TECRL: variants seen among roughly 807,000 people sequenced by gnomAD.
The protein encoded by TECRL is trans-2,3-enoyl-CoA reductase-like.
In TECRL, 63 loss-of-function variants were observed where a neutral mutation model predicts 52.8. The ratio of observed to expected loss-of-function variants is 1.19; its 90% CI spans 0.97 to 1.47. The LOEUF (loss-of-function observed/expected upper bound fraction) is 1.47. Among genes scored for constraint, TECRL ranks in the 40% most tolerant of loss-of-function variants. TECRL has a pLI of 0.00. For missense variants in TECRL, 482 were observed against 429.6 expected, an observed-to-expected ratio of 1.12 and a Z score of -1.08; for synonymous variants, 164 against 141.9, an observed-to-expected ratio of 1.16 and a Z score of -1.10.
intron 4 of TECRL, among the ~76,000 whole-genome samples, chr4:64,319,324 A>T (rs1434530001): frequency 2.1e-5 from 3 of 140,388 alleles, no homozygotes; most frequent in Non-Finnish European, 4.6e-5. Context: ...GTATCATTAC[A>T]GTGTAAAACA....
At chr4:64,315,866 T>C (rs1560493410) in intron 4 of TECRL, among the ~76,000 whole-genome samples, 2 of 152,152 alleles carry the variant, frequency 1.3e-5, no homozygotes, top group East Asian at 3.9e-4. Flanking sequence ...CTTTTAGAAA[T>C]ATATATATAT....
At position 64,328,549 on chromosome 4, in the gene TECRL, C is replaced by T. The variant is rs1490169489; in HGVS notation, c.294G>A (p.Lys98=). The change falls in exon 3 of 12, where the codon AAG becomes AAA. Residue 98 remains lysine (K), a synonymous_variant. Transcript: ENST00000381210. ...VKQKFHKACP[K]WYPSRVGLQL... ...GCAGACCAACTCGAGAAGGGTACCA[C>T]TTTGGACCTATTCAATGAAAAATAA... 1.4e-5 allele frequency: 23 copies of T among 1,610,690 alleles called. No individual in the cohort carries two copies. Among genetic ancestry groups the T allele is most frequent in the Non-Finnish European group, 1.9e-5 (22 of 1,177,876 alleles).
intron 6 of TECRL, among the ~76,000 whole-genome samples, chr4:64,309,435 T>C (rs573456295): frequency 3.9e-5 from 6 of 152,278 alleles, no homozygotes; most frequent in Admixed American, 2.6e-4. Context: ...TAGCATCATA[T>C]TGACAACTGC....
chr4:64,375,079 A>C, intron 2 of TECRL, 93 bp downstream of exon 2: 10 of 504,306 alleles, frequency 2.0e-5, no homozygotes, highest in East Asian at 3.8e-5. Flanking sequence ...TGGTTTTCAT[A>C]CACTCTAACA....
At position 64,328,582 on chromosome 4, in the gene TECRL, T is replaced by C. The variant is rs1452941961; in HGVS notation, c.287-26A>G. ...CTATTCAATGAAAAATAACATTTAA[T>C]TGTCAGAAAAAGTGTAACTATAGCT... On this transcript the variant is annotated intron_variant, in intron 2 of 11. Coordinates refer to ENST00000381210, the MANE Select transcript of TECRL (RefSeq NM_001010874.5). 4 of 1,602,510 alleles carry C rather than the reference T, an allele frequency of 2.5e-6. No homozygotes were observed. In the African/African-American group the frequency reaches 5.4e-5, roughly 22 times the overall value.
chr4:64,396,501 G>T (rs1447564147), intron 1 of TECRL, among the ~76,000 whole-genome samples: 5 of 151,812 alleles, frequency 3.3e-5, no homozygotes, highest in Admixed American at 2.6e-4. Flanking sequence ...AAATGTGGTT[G>T]TTTGTTTTTT....
rs148528527 is a variant in TECRL at position 64,300,958 on chromosome 4, G to A, written c.731-941C>T. Among the ~76,000 whole-genome samples the A allele has an allele frequency of 1.5e-3, 228 of 150,748 alleles. 1 individual carries two copies. Among genetic ancestry groups the A allele is most frequent in the African/African-American group, 5.1e-3 (213 of 41,384 alleles). On this transcript the variant is annotated intron_variant, in intron 7 of 11. Transcript: ENST00000381210. ...ATAATACTGCTTTGAACATCTTTAC[G>A]TATAAATCTTTTACTAAATTTTGTT...
At chr4:64,387,150 A>G (rs1723235222) in intron 1 of TECRL, among the ~76,000 whole-genome samples, 1 of 152,156 alleles carries the variant, frequency 6.6e-6, no homozygotes, top group African/African-American at 2.4e-5. Flanking sequence ...AGAAAGTCAT[A>G]TGGTTGAAAT....
chr4:64,353,242 C>T (rs556685975), intron 2 of TECRL, among the ~76,000 whole-genome samples: 13 of 152,124 alleles, frequency 8.5e-5, no homozygotes, highest in Middle Eastern at 3.4e-3. Context: ...AAGTAAAAAT[C>T]GAAAAATTCA....
chr4:64,387,496 C>A (rs549892338), intron 1 of TECRL, among the ~76,000 whole-genome samples: 1 of 152,096 alleles, frequency 6.6e-6, no homozygotes, highest in East Asian at 1.9e-4. Flanking sequence ...AATTGCCTTC[C>A]AAATGGCTTT....
At chr4:64,347,831 A>G (rs1275634758) in intron 2 of TECRL, among the ~76,000 whole-genome samples, 1 of 152,142 alleles carries the variant, frequency 6.6e-6, no homozygotes, top group African/African-American at 2.4e-5. Flanking sequence ...GCCAAACCAT[A>G]TCATTTACCC....
chr4:64,366,976 A>G (rs1721641697), intron 2 of TECRL, among the ~76,000 whole-genome samples: 2 of 152,146 alleles, frequency 1.3e-5, no homozygotes, highest in African/African-American at 2.4e-5. Context: ...AAGTTATGAA[A>G]TCAACCTAGA....
chr4:64,323,953 T>C (rs1214504656), intron 3 of TECRL, among the ~76,000 whole-genome samples: 1 of 152,134 alleles, frequency 6.6e-6, no homozygotes. Flanking sequence ...GGTAGAAGTG[T>C]GTGTAGATAT....
intron 8 of TECRL, among the ~76,000 whole-genome samples, chr4:64,293,931 ATTG>A (rs1723531869): frequency 1.3e-5 from 2 of 150,548 alleles, no homozygotes; most frequent in Admixed American, 1.3e-4. Flanking sequence ...ATGCATTGAT[ATTG>A]TTAATATCAT....
intron 2 of TECRL, among the ~76,000 whole-genome samples, chr4:64,367,863 C>T (rs1472675117): frequency 1.3e-5 from 2 of 152,018 alleles, no homozygotes; most frequent in Non-Finnish European, 2.9e-5. Flanking sequence ...TTCAATTCCA[C>T]GGAAGATGCT....
intron 2 of TECRL, among the ~76,000 whole-genome samples, chr4:64,351,090 G>T (rs1720358533): frequency 8.8e-6 from 1 of 113,044 alleles, no homozygotes; most frequent in Admixed American, 9.6e-5. Context: ...AACTAAATAA[G>T]TTGATCTCAT....
intron 9 of TECRL, 49 bp from the exon 10 acceptor site, chr4:64,281,608 TG>T: frequency 1.0e-6 from 1 of 966,252 alleles, no homozygotes. Flanking sequence ...ATTGCAAATC[TG>T]ATCATATGCT....
intron 4 of TECRL, among the ~76,000 whole-genome samples, chr4:64,315,163 A>T (rs577662461): frequency 9.9e-4 from 150 of 151,866 alleles, no homozygotes; most frequent in Non-Finnish European, 1.8e-3. Context: ...TCTTTTTCTT[A>T]TTCTTTTCTT....
intron 9 of TECRL, among the ~76,000 whole-genome samples, chr4:64,288,810 T>G (rs1331276912): frequency 4.6e-5 from 7 of 152,204 alleles, no homozygotes; most frequent in Admixed American, 4.6e-4. Context: ...AACTGCAATG[T>G]CTGCAGCCAA....
Sources: gnomAD v4.1 joint callset for allele counts (sites outside exome capture counted in the v4.1 genomes callset) on GRCh38, gnomAD v4.1.1 for gene constraint, MANE v1.5 for transcripts, NCBI Gene and HGNC (gene_info 2026-07-23, HGNC 2026-07-21) for gene names.